Variants in DLG2 observed in about 807,000 individuals in gnomAD.
DLG2 encodes the protein disks large homolog 2.
DLG2 carries 45 observed loss-of-function variants against 132.5 expected under a neutral mutation model. That is an observed-to-expected ratio of 0.34 (90% CI 0.27 to 0.44). DLG2 has a LOEUF of 0.44. Ranked by LOEUF, DLG2 falls within the 20% of genes least tolerant of loss-of-function variation. The pLI, the probability that DLG2 is intolerant of heterozygous loss-of-function variation, is 1.00. For missense variants in DLG2, 1,045 were observed against 1,196.9 expected (o/e 0.87, Z 1.87); for synonymous variants, 424 against 419.6 (o/e 1.01, Z -0.13).
At chr11:83,894,948 C>T (rs2071140030) in intron 15 of DLG2, among the ~76,000 whole-genome samples, 1 of 150,094 alleles carries the variant, frequency 6.7e-6, no homozygotes, top group Non-Finnish European at 1.5e-5. Flanking sequence ...CAGTTCCATC[C>T]ATGTTGTTGC....
intron 6 of DLG2, among the ~76,000 whole-genome samples, chr11:84,715,180 C>T (rs546117806): frequency 5.3e-5 from 8 of 152,228 alleles, no homozygotes; most frequent in African/African-American, 1.9e-4. Flanking sequence ...ACGGGCTTCA[C>T]AGTGGTTCAG....
At chr11:84,649,228 G>T (rs932856875) in intron 6 of DLG2, among the ~76,000 whole-genome samples, 1 of 152,088 alleles carries the variant, frequency 6.6e-6, no homozygotes, top group Non-Finnish European at 1.5e-5. Flanking sequence ...GACCATTAAG[G>T]ATTCTCTGAT....
intron 25 of DLG2, among the ~76,000 whole-genome samples, chr11:83,468,131 A>G (rs1260189341): frequency 3.3e-5 from 5 of 152,024 alleles, no homozygotes; most frequent in Non-Finnish European, 5.9e-5. Context: ...GAAAAAAGGC[A>G]CTTTATGCAG....
At chr11:84,069,830 T>C (rs958506970) in intron 10 of DLG2, among the ~76,000 whole-genome samples, 1 of 152,168 alleles carries the variant, frequency 6.6e-6, no homozygotes, top group Non-Finnish European at 1.5e-5. Context: ...GGCTACTTAA[T>C]GGGTACAACA....
intron 6 of DLG2, among the ~76,000 whole-genome samples, chr11:84,948,086 T>C (rs1314589227): frequency 1.3e-5 from 2 of 152,206 alleles, no homozygotes; most frequent in Non-Finnish European, 2.9e-5. Context: ...CTAGCTTTAG[T>C]AAACAGGAGA....
At chr11:83,605,022 A>AGAGAGAGAGAGG (rs1484595416) in intron 19 of DLG2, among the ~76,000 whole-genome samples, 1,949 of 151,516 alleles carry the variant, frequency 0.013, 55 homozygotes, top group African/African-American at 0.045. Flanking sequence ...AGAGAGAGAG[A>AGAGAGAGAGAGG]GAGAGAGAGA....
Position 85,462,409 on chromosome 11 carries a change from C to T in DLG2, c.40+136248G>A, listed in dbSNP as rs139913756. 1.7e-3 allele frequency among the ~76,000 whole-genome samples: 256 copies of T among 152,232 alleles called. 3 individuals carry two copies. The East Asian group carries it at 0.036, about 21-fold the overall frequency. On this transcript the variant is annotated intron_variant, in intron 3 of 27. Transcript: ENST00000376104. ...AAGACTTGGAACCAACCCATATGTC[C>T]GACAATGATAGACTGGATTAAGACA... is the stretch of plus-strand genomic sequence containing the variant.
intron 7 of DLG2, among the ~76,000 whole-genome samples, chr11:84,457,769 C>T (rs924833059): frequency 6.0e-5 from 9 of 150,756 alleles, no homozygotes; most frequent in Non-Finnish European, 8.9e-5. Flanking sequence ...GTTAATTTTC[C>T]AAAGTTATAT....
At chr11:84,600,159 G>GGAAAGAAGGAAAGAAGGAAAGAAA (rs1555082762) in intron 6 of DLG2, among the ~76,000 whole-genome samples, 1 of 96,102 alleles carries the variant, frequency 1.0e-5, no homozygotes, top group African/African-American at 4.3e-5. Flanking sequence ...AAAGAAAGAA[G>GGAAAGAAGGAAAGAAGGAAAGAAA]GAAAGAAAGA....
At chr11:83,478,063 T>C (rs76585658) in intron 22 of DLG2, among the ~76,000 whole-genome samples, 2,193 of 152,236 alleles carry the variant, frequency 0.014, 59 homozygotes, top group African/African-American at 0.05. Flanking sequence ...CACTTTTTCA[T>C]TTATTTATAT....
intron 3 of DLG2, among the ~76,000 whole-genome samples, chr11:85,395,839 T>C (rs1473031643): frequency 6.6e-6 from 1 of 152,196 alleles, no homozygotes; most frequent in African/African-American, 2.4e-5. Flanking sequence ...GGGCAGGGCA[T>C]ATCTGAACAA....
At chr11:85,296,196 T>C (rs1264123569) in intron 3 of DLG2, among the ~76,000 whole-genome samples, 1 of 152,310 alleles carries the variant, frequency 6.6e-6, no homozygotes, top group East Asian at 1.9e-4. Flanking sequence ...GAATCTTTGC[T>C]GTCAGGCACA....
At chr11:84,008,861 G>A (rs955747512) in intron 11 of DLG2, among the ~76,000 whole-genome samples, 2 of 151,392 alleles carry the variant, frequency 1.3e-5, no homozygotes, top group African/African-American at 4.8e-5. Flanking sequence ...GTCATTAGGT[G>A]GATCACTCTC....
intron 6 of DLG2, among the ~76,000 whole-genome samples, chr11:84,728,241 C>T (rs930217737): frequency 1.3e-5 from 2 of 152,020 alleles, no homozygotes; most frequent in East Asian, 1.9e-4. Context: ...ATAAATACCT[C>T]TTATTATTTT....
At chr11:85,407,492 C>T (rs114660121) in intron 3 of DLG2, among the ~76,000 whole-genome samples, 104 of 151,990 alleles carry the variant, frequency 6.8e-4, no homozygotes, top group African/African-American at 2.4e-3. Flanking sequence ...AACCAAACAA[C>T]TGCTGTGTGT....
At chr11:84,280,120 C>T (rs1439563582) in intron 7 of DLG2, among the ~76,000 whole-genome samples, 1 of 152,116 alleles carries the variant, frequency 6.6e-6, no homozygotes, top group Non-Finnish European at 1.5e-5. Flanking sequence ...TGTGGAAAAT[C>T]TCATGAATTC....
chr11:84,706,808 G>C (rs908989254), intron 6 of DLG2, among the ~76,000 whole-genome samples: 1 of 151,676 alleles, frequency 6.6e-6, no homozygotes, highest in Non-Finnish European at 1.5e-5. Flanking sequence ...TTACATTGGC[G>C]CTGAAGTTGC....
At chr11:83,709,957 C>T (rs924332017) in intron 18 of DLG2, among the ~76,000 whole-genome samples, 1 of 152,174 alleles carries the variant, frequency 6.6e-6, no homozygotes, top group Non-Finnish European at 1.5e-5. Context: ...CCACACTCCA[C>T]TGGATAGGTG....
At chr11:83,935,314 T>A (rs552890787) in intron 14 of DLG2, among the ~76,000 whole-genome samples, 7 of 152,172 alleles carry the variant, frequency 4.6e-5, no homozygotes, top group African/African-American at 1.7e-4. Context: ...TATAAGAGGA[T>A]TGAATTCCAG....
Sources: gnomAD v4.1 joint callset for allele counts (sites outside exome capture counted in the v4.1 genomes callset) on GRCh38, gnomAD v4.1.1 for gene constraint, MANE v1.5 for transcripts, NCBI Gene and HGNC (gene_info 2026-07-23, HGNC 2026-07-21) for gene names.